Variants in TAF3 observed in about 807,000 individuals in gnomAD.
TAF3 encodes the protein TATA-box binding protein associated factor 3, also known as transcription initiation factor TFIID subunit 3.
A neutral mutation model predicts 80.6 loss-of-function variants in TAF3; 7 were observed. The ratio of observed to expected loss-of-function variants is 0.09; its 90% CI spans 0.05 to 0.16. TAF3 has a LOEUF of 0.16. Ranked by LOEUF, TAF3 falls within the 10% of genes least tolerant of loss-of-function variation. The pLI is 1.00. For missense variants in TAF3, 921 were observed against 1,140.2 expected (o/e 0.81, Z 2.77); for synonymous variants, 444 against 446.1 (o/e 1.00, Z 0.06).
At position 7,965,634 on chromosome 10, in the gene TAF3, G is replaced by T; in HGVS notation, c.2124G>T (p.Lys708Asn). ...EKEKKKDKKE[K>N]KKKKEKEKEK... ...AAAAGAAAAAGGACAAAAAGGAGAA[G>T]AAGAAAAAGAAGGAAAAAGAGAAGG... is the stretch of plus-strand genomic sequence containing the variant. The change falls in exon 3 of 7, where the codon AAG becomes AAT. Residue 708 changes from lysine (K) to asparagine (N), a missense_variant. Lys to Asn is a moderately conservative substitution (Grantham distance 94). Coordinates refer to ENST00000344293, the MANE Select transcript of TAF3 (RefSeq NM_031923.4). 6.3e-7 allele frequency: 1 copy of T among 1,584,410 alleles called. No homozygotes were observed. The highest frequency in any genetic ancestry group is 8.6e-7 in the Non-Finnish European group (1 of 1,167,106).
At chr10:7,870,599 G>A (rs1837255770) in intron 2 of TAF3, among the ~76,000 whole-genome samples, 1 of 152,176 alleles carries the variant, frequency 6.6e-6, no homozygotes, top group Admixed American at 6.5e-5. Flanking sequence ...TGTTGTTGAA[G>A]AGTTAGGATG....
At chr10:7,980,232 T>G (rs142398088) in intron 4 of TAF3, among the ~76,000 whole-genome samples, 1 of 152,306 alleles carries the variant, frequency 6.6e-6, no homozygotes, top group East Asian at 1.9e-4. Flanking sequence ...CTTTTGAAAT[T>G]AGGAAAAACG....
intron 2 of TAF3, among the ~76,000 whole-genome samples, chr10:7,891,606 T>C (rs1484957413): frequency 1.3e-5 from 2 of 152,366 alleles, no homozygotes; most frequent in Non-Finnish European, 2.9e-5. Context: ...TTTCTGTCTT[T>C]ACCTTCTTAT....
chr10:7,818,559 C>T lies in TAF3; in HGVS notation c.-151C>T. On this transcript the variant is annotated 5_prime_UTR_variant, in exon 1 of 7. Transcript: ENST00000344293. ...GGCTCTCAGGCTGGCGCGCTCCGTG[C>T]TGCTGGGGCTTTGAGGTGGTCGCCG... 2 of 780,646 alleles carry T rather than the reference C, an allele frequency of 2.6e-6. No individual in the cohort carries two copies. The highest frequency in any genetic ancestry group is 2.1e-5 in the South Asian group (1 of 46,684). 48.4% of individuals were successfully genotyped at this position (780,646 alleles called of 1,614,324 possible). A position where few individuals can be genotyped will look rare whatever the true frequency, so the allele number is the denominator to read the frequency against.
intron 2 of TAF3, among the ~76,000 whole-genome samples, chr10:7,935,768 G>A (rs1246879255): frequency 6.6e-6 from 1 of 152,122 alleles, no homozygotes; most frequent in Non-Finnish European, 1.5e-5. Flanking sequence ...GAGAGGAAGC[G>A]CAGATTCCAG....
intron 3 of TAF3, among the ~76,000 whole-genome samples, chr10:7,972,733 C>A (rs1257776676): frequency 1.3e-5 from 2 of 152,042 alleles, no homozygotes; most frequent in Non-Finnish European, 2.9e-5. Context: ...AATAAACAGA[C>A]CATTTCTTGA....
intron 4 of TAF3, among the ~76,000 whole-genome samples, chr10:7,982,934 G>A (rs1486843880): frequency 6.6e-6 from 1 of 152,150 alleles, no homozygotes; most frequent in Non-Finnish European, 1.5e-5. Context: ...TTCATCTCTA[G>A]TGGAAACACT....
intron 2 of TAF3, among the ~76,000 whole-genome samples, chr10:7,879,737 T>C (rs1040683151): frequency 6.6e-6 from 1 of 152,240 alleles, no homozygotes; most frequent in Non-Finnish European, 1.5e-5. Flanking sequence ...TCTGGATTTA[T>C]GGGTGGCTTT....
intron 2 of TAF3, among the ~76,000 whole-genome samples, chr10:7,879,426 T>C (rs1837339540): frequency 6.6e-6 from 1 of 152,252 alleles, no homozygotes; most frequent in Non-Finnish European, 1.5e-5. Context: ...CTATTTTTAT[T>C]ATACATGAAA....
intron 4 of TAF3, among the ~76,000 whole-genome samples, chr10:7,989,328 G>A (rs1831810859): frequency 6.6e-6 from 1 of 152,222 alleles, no homozygotes; most frequent in Admixed American, 6.5e-5. Flanking sequence ...CAGGGGCAAG[G>A]CAAATGGGTG....
At chr10:7,884,707 A>T (rs912857463) in intron 2 of TAF3, among the ~76,000 whole-genome samples, 3 of 152,080 alleles carry the variant, frequency 2.0e-5, no homozygotes, top group Non-Finnish European at 4.4e-5. Flanking sequence ...TTTTTGAAGA[A>T]TAGAGTCTAG....
chr10:7,851,557 TACA>T (rs1001256744), intron 2 of TAF3, among the ~76,000 whole-genome samples: 2 of 152,114 alleles, frequency 1.3e-5, no homozygotes, highest in Non-Finnish European at 1.5e-5. Flanking sequence ...GTAAACAGAC[TACA>T]ACAATTAACT....
At chr10:7,856,566 CAAA>C (rs1229493290) in intron 2 of TAF3, among the ~76,000 whole-genome samples, 2 of 152,022 alleles carry the variant, frequency 1.3e-5, no homozygotes, top group African/African-American at 4.8e-5. Flanking sequence ...ATCTGAACAA[CAAA>C]AGTTCAGAGC....
chr10:7,943,223 T>C (rs1837993433), intron 2 of TAF3, among the ~76,000 whole-genome samples: 1 of 152,210 alleles, frequency 6.6e-6, no homozygotes, highest in Admixed American at 6.5e-5. Context: ...CGCTCGATGT[T>C]GGCCTCACCT....
Position 7,934,815 on chromosome 10 carries a change from GA to G in TAF3, c.410-29104del, listed in dbSNP as rs1339731843. Reference sequence around the variant, plus strand: ...AATTGCAGTTGTAAACATCAAATGCGATCAGTTTACTAACTAATCTATTCAT... The same window carrying G: ...AATTGCAGTTGTAAACATCAAATGCGTCAGTTTACTAACTAATCTATTCAT... On this transcript the variant is annotated intron_variant, in intron 2 of 6. Coordinates refer to ENST00000344293, the MANE Select transcript of TAF3 (RefSeq NM_031923.4). 1.2e-4 allele frequency among the ~76,000 whole-genome samples: 18 copies of G among 152,230 alleles called. No homozygotes were observed. The East Asian group carries it at 3.3e-3, about 28-fold the overall frequency.
At chr10:7,946,329 G>A (rs991858860) in intron 2 of TAF3, among the ~76,000 whole-genome samples, 3 of 152,228 alleles carry the variant, frequency 2.0e-5, no homozygotes, top group Middle Eastern at 3.4e-3. Context: ...TGCTGTCCCT[G>A]CACCTGGAGT....
At chr10:7,904,178 G>A (rs1284521504) in intron 2 of TAF3, among the ~76,000 whole-genome samples, 3 of 151,854 alleles carry the variant, frequency 2.0e-5, no homozygotes, top group African/African-American at 7.3e-5. Flanking sequence ...GCATAGTGGG[G>A]TTGGGACACG....
intron 2 of TAF3, among the ~76,000 whole-genome samples, chr10:7,874,406 C>T (rs370779007): frequency 1.3e-5 from 2 of 152,066 alleles, no homozygotes; most frequent in South Asian, 2.1e-4. Context: ...ATATATCTTA[C>T]CCCTGGGCTT....
intron 2 of TAF3, among the ~76,000 whole-genome samples, chr10:7,961,099 A>G (rs930770964): frequency 5.9e-5 from 9 of 152,232 alleles, no homozygotes; most frequent in Admixed American, 6.5e-5. Flanking sequence ...GAGACTAGGT[A>G]GAAGGTCCTT....
Sources: allele counts gnomAD v4.1 joint callset (sites outside exome capture counted in the v4.1 genomes callset), GRCh38; gene constraint gnomAD v4.1.1; transcripts MANE v1.5; gene names NCBI Gene and HGNC (gene_info 2026-07-23, HGNC 2026-07-21).